Variants in ARL15 observed in about 807,000 individuals in gnomAD.
The protein encoded by ARL15 is ARF like GTPase 15, also known as ADP-ribosylation factor-like protein 15.
In ARL15, 19 loss-of-function variants were observed where a neutral mutation model predicts 25.2. The ratio of observed to expected loss-of-function variants is 0.75; its 90% confidence interval spans 0.53 to 1.10. ARL15 has a LOEUF of 1.10. ARL15 is among the 50% of genes least tolerant of loss of function. ARL15 has a pLI of 0.00. For missense variants in ARL15, 220 were observed against 246.0 expected (o/e 0.89, Z 0.71); for synonymous variants, 94 against 86.8 (o/e 1.08, Z -0.46).
intron 1 of ARL15, among the ~76,000 whole-genome samples, chr5:54,236,967 G>A (rs1756826473): frequency 6.6e-6 from 1 of 152,176 alleles, no homozygotes; most frequent in Non-Finnish European, 1.5e-5. Flanking sequence ...ATTGGAACAT[G>A]AGTGAAAATG....
chr5:54,014,287 T>C (rs553025805), intron 4 of ARL15, among the ~76,000 whole-genome samples: 12 of 152,266 alleles, frequency 7.9e-5, no homozygotes, highest in African/African-American at 2.9e-4. Flanking sequence ...TACCTAAAGA[T>C]CCAAGGGAAT....
chr5:53,909,546 AAAAT>A (rs1456841594), intron 4 of ARL15, among the ~76,000 whole-genome samples: 1 of 152,182 alleles, frequency 6.6e-6, no homozygotes, highest in Non-Finnish European at 1.5e-5. Flanking sequence ...GTCTCTACTA[AAAAT>A]ACAAAATTAG....
intron 4 of ARL15, among the ~76,000 whole-genome samples, chr5:54,062,517 G>GAAA (rs71577097): frequency 2.6e-5 from 3 of 113,486 alleles, no homozygotes; most frequent in Non-Finnish European, 1.9e-5. Flanking sequence ...GGTGGTTAAG[G>GAAA]AAAAAAAAAA....
At chr5:54,199,671 C>T (rs1021179856) in intron 1 of ARL15, among the ~76,000 whole-genome samples, 3 of 151,190 alleles carry the variant, frequency 2.0e-5, no homozygotes, top group East Asian at 3.9e-4. Context: ...TGTGGAGAAA[C>T]AGGAACACTC....
intron 4 of ARL15, among the ~76,000 whole-genome samples, chr5:53,942,435 A>T (rs1234601245): frequency 1.3e-5 from 2 of 152,178 alleles, no homozygotes; most frequent in Non-Finnish European, 2.9e-5. Context: ...GTTTATAGGC[A>T]TCATTGGTGT....
intron 2 of ARL15, among the ~76,000 whole-genome samples, chr5:54,159,423 G>T (rs918027250): frequency 3.3e-5 from 5 of 152,156 alleles, no homozygotes; most frequent in Non-Finnish European, 5.9e-5. Context: ...ACAGCTCTTA[G>T]ACTCACCAGC....
At chr5:54,036,114 C>A (rs543057039) in intron 4 of ARL15, among the ~76,000 whole-genome samples, 2 of 151,192 alleles carry the variant, frequency 1.3e-5, no homozygotes, top group Admixed American at 6.6e-5. Flanking sequence ...CACACCAATG[C>A]ACTCCAGTCT....
chr5:54,003,342 T>C (rs1748908143), intron 4 of ARL15, among the ~76,000 whole-genome samples: 1 of 152,186 alleles, frequency 6.6e-6, no homozygotes, highest in Admixed American at 6.5e-5. Context: ...ACACGTGAGC[T>C]GGGAACAACA....
At chr5:54,043,874 G>A (rs27926) in intron 4 of ARL15, among the ~76,000 whole-genome samples, 1 of 151,742 alleles carries the variant, frequency 6.6e-6, no homozygotes, top group Non-Finnish European at 1.5e-5. Context: ...TTAGCCAGGT[G>A]TGGTGGTATG....
intron 4 of ARL15, among the ~76,000 whole-genome samples, chr5:53,984,729 T>A (rs563603571): frequency 2.0e-5 from 3 of 152,342 alleles, no homozygotes; most frequent in African/African-American, 7.2e-5. Context: ...TGTTAATTTA[T>A]ATTTTTTTCT....
chr5:54,216,668 C>CA (rs1413786434), intron 1 of ARL15, among the ~76,000 whole-genome samples: 5 of 152,120 alleles, frequency 3.3e-5, no homozygotes, highest in African/African-American at 1.2e-4. Flanking sequence ...ATTAAATCCC[C>CA]AAAATGTACT....
At chr5:53,906,822 A>T (rs779916002) in intron 4 of ARL15, among the ~76,000 whole-genome samples, 42 of 152,244 alleles carry the variant, frequency 2.8e-4, no homozygotes, top group Admixed American at 5.9e-4. Context: ...ATCTGCACAA[A>T]GCATAAAAAG....
chr5:54,071,892 G>C (rs1751433611), intron 4 of ARL15, among the ~76,000 whole-genome samples: 1 of 150,584 alleles, frequency 6.6e-6, no homozygotes, highest in Non-Finnish European at 1.5e-5. Context: ...AGAATTGCTT[G>C]AACCTGGGAG....
At chr5:53,988,410 T>C (rs867389736) in intron 4 of ARL15, among the ~76,000 whole-genome samples, 5 of 152,084 alleles carry the variant, frequency 3.3e-5, no homozygotes, top group Admixed American at 2.0e-4. Context: ...CTTAAGTTAT[T>C]GGAAGAATCA....
chr5:54,168,266 T>C (rs1049417287), intron 2 of ARL15, among the ~76,000 whole-genome samples: 1 of 152,224 alleles, frequency 6.6e-6, no homozygotes, highest in Middle Eastern at 3.4e-3. Context: ...GACTGAGTTG[T>C]CTCTCAAATC....
At chr5:54,055,293 T>A (rs1381873035) in intron 4 of ARL15, among the ~76,000 whole-genome samples, 4 of 151,940 alleles carry the variant, frequency 2.6e-5, no homozygotes, top group Non-Finnish European at 5.9e-5. Context: ...TTTCTTCACT[T>A]AGCATAATGT....
chr5:54,149,192 G>T (rs1272611960), intron 3 of ARL15, among the ~76,000 whole-genome samples: 1 of 152,232 alleles, frequency 6.6e-6, no homozygotes, highest in Non-Finnish European at 1.5e-5. Context: ...AATGATAGAA[G>T]AGATTTTTCA....
Position 54,310,419 on chromosome 5 carries a change from G to T in ARL15, c.48+13C>A, listed in dbSNP as rs200277580. The stretch of plus-strand genomic sequence containing the variant: ...ATCCGAGAGGCGACATGCCACCCCT[G>T]CCCTGCACCTACCAGATAATCCATG... On this transcript the variant is annotated intron_variant, in intron 1 of 4. Coordinates refer to ENST00000504924, the MANE Select transcript of ARL15 (RefSeq NM_019087.3). 5.0e-6 allele frequency: 8 copies of T among 1,608,238 alleles called. No individual in the cohort carries two copies. Among genetic ancestry groups the T allele is most frequent in the Non-Finnish European group, 5.9e-6 (7 of 1,177,546 alleles).
intron 4 of ARL15, among the ~76,000 whole-genome samples, chr5:53,986,639 A>C (rs1748309169): frequency 6.6e-6 from 1 of 152,262 alleles, no homozygotes; most frequent in Non-Finnish European, 1.5e-5. Flanking sequence ...AATTGCTATA[A>C]TAATTCTGAA....
Sources: gnomAD v4.1 joint callset for allele counts (sites outside exome capture counted in the v4.1 genomes callset) on GRCh38, gnomAD v4.1.1 for gene constraint, MANE v1.5 for transcripts, NCBI Gene and HGNC (gene_info 2026-07-23, HGNC 2026-07-21) for gene names.